HPSE2: variants seen among roughly 807,000 people sequenced by gnomAD.
HPSE2 encodes the protein inactive heparanase-2.
Under a neutral mutation model 60.5 loss-of-function variants are expected in HPSE2, and 38 were observed. The observed-to-expected ratio is 0.63, with a 90% CI of 0.48 to 0.82. HPSE2 has a LOEUF of 0.82. HPSE2 is among the 40% of genes least tolerant of loss of function. The pLI is 0.00. For missense variants in HPSE2, 713 were observed against 740.4 expected (o/e 0.96, Z 0.43); for synonymous variants, 295 against 293.2 (o/e 1.01, Z -0.06).
At chr10:99,100,421 G>C (rs1381662869) in intron 3 of HPSE2, among the ~76,000 whole-genome samples, 1 of 152,152 alleles carries the variant, frequency 6.6e-6, no homozygotes, top group Non-Finnish European at 1.5e-5. Flanking sequence ...ATGAAATGAA[G>C]TGAGAAGAGA....
chr10:99,184,565 G>C (rs1437450553), intron 2 of HPSE2, among the ~76,000 whole-genome samples: 3 of 113,716 alleles, frequency 2.6e-5, no homozygotes, highest in East Asian at 2.5e-4. Flanking sequence ...AAAAAGCTAA[G>C]AGGAAGGCCA....
At chr10:99,187,004 G>A (rs546906344) in intron 2 of HPSE2, among the ~76,000 whole-genome samples, 184 of 151,870 alleles carry the variant, frequency 1.2e-3, no homozygotes, top group Admixed American at 3.9e-3. Flanking sequence ...GGCTGGTCTC[G>A]AACTCCTGGA....
chr10:98,607,571 C>T lies in HPSE2; in HGVS notation c.1320+7333G>A, dbSNP rs74713118. On this transcript the variant is annotated intron_variant, in intron 9 of 11. Coordinates refer to ENST00000370552, the MANE Select transcript of HPSE2 (RefSeq NM_021828.5). ...TGGGAAAGCTTGCCAGCATCTTCTC[C>T]GGAGGGAAATAAAATGTAATTTTTA... Among the ~76,000 whole-genome samples, 423 of 152,240 alleles carry T rather than the reference C, an allele frequency of 2.8e-3. 1 individual carries two copies. The highest frequency in any genetic ancestry group is 9.8e-3 in the African/African-American group (407 of 41,540).
At chr10:99,078,253 T>A (rs1449527023) in intron 3 of HPSE2, among the ~76,000 whole-genome samples, 12 of 152,232 alleles carry the variant, frequency 7.9e-5, no homozygotes, top group Non-Finnish European at 1.8e-4. Context: ...TTATTTTGAA[T>A]TATCTGTCAG....
intron 6 of HPSE2, among the ~76,000 whole-genome samples, chr10:98,660,098 T>C (rs1173709740): frequency 6.6e-6 from 1 of 152,136 alleles, no homozygotes; most frequent in Non-Finnish European, 1.5e-5. Context: ...TATTTGTTTG[T>C]TGTCTGAATG....
chr10:98,480,548 A>G (rs17458353), intron 11 of HPSE2, among the ~76,000 whole-genome samples: 26,128 of 152,184 alleles, frequency 0.17, 2,375 homozygotes, highest in African/African-American at 0.22. Context: ...AGCTCCAAAC[A>G]GCAGGGGAAT....
At chr10:98,985,588 G>A (rs200744562) in intron 3 of HPSE2, among the ~76,000 whole-genome samples, 664 of 152,184 alleles carry the variant, frequency 4.4e-3, no homozygotes, top group East Asian at 0.013. Flanking sequence ...ATCAACTAAC[G>A]AGCAAAATAA....
chr10:98,694,535 C>G (rs746674378), intron 5 of HPSE2, among the ~76,000 whole-genome samples: 1 of 152,160 alleles, frequency 6.6e-6, no homozygotes, highest in Non-Finnish European at 1.5e-5. Context: ...AAATAGAGTA[C>G]TGAGTGTTAT....
intron 2 of HPSE2, among the ~76,000 whole-genome samples, chr10:99,191,568 T>G (rs1398190398): frequency 2.6e-5 from 4 of 152,326 alleles, no homozygotes; most frequent in South Asian, 2.1e-4. Context: ...TGGCTTGGGG[T>G]GCCCCCTCAT....
intron 3 of HPSE2, among the ~76,000 whole-genome samples, chr10:98,881,363 T>C (rs904841395): frequency 2.0e-5 from 3 of 152,002 alleles, no homozygotes; most frequent in African/African-American, 7.2e-5. Flanking sequence ...GGGTTGCACA[T>C]ATGACAGGAA....
chr10:99,199,530 G>T (rs979321727), intron 2 of HPSE2, among the ~76,000 whole-genome samples: 12 of 151,936 alleles, frequency 7.9e-5, no homozygotes, highest in African/African-American at 2.9e-4. Flanking sequence ...CTTGTTGAAG[G>T]GACTGTCATT....
chr10:98,604,530 A>G (rs1230238202), intron 9 of HPSE2, among the ~76,000 whole-genome samples: 3 of 152,180 alleles, frequency 2.0e-5, no homozygotes, highest in Non-Finnish European at 2.9e-5. Context: ...ACAAACTAGA[A>G]GGAGAAGAAA....
chr10:98,803,201 A>C (rs566389407), intron 3 of HPSE2, among the ~76,000 whole-genome samples: 1 of 150,898 alleles, frequency 6.6e-6, no homozygotes, highest in Admixed American at 6.6e-5. Context: ...GTTTGAGTTC[A>C]TTGTAGATTC....
At chr10:99,160,368 A>G (rs969907757) in intron 2 of HPSE2, among the ~76,000 whole-genome samples, 2 of 152,134 alleles carry the variant, frequency 1.3e-5, no homozygotes, top group Non-Finnish European at 2.9e-5. Flanking sequence ...TAAAACCACA[A>G]TGAGATACTA....
chr10:98,826,528 T>C (rs1589893960), intron 3 of HPSE2, among the ~76,000 whole-genome samples: 1 of 152,360 alleles, frequency 6.6e-6, no homozygotes, highest in East Asian at 1.9e-4. Context: ...ACTACTCAAG[T>C]AATAGAATAT....
At chr10:98,671,506 G>A (rs1313233864) in intron 6 of HPSE2, among the ~76,000 whole-genome samples, 1 of 106,972 alleles carries the variant, frequency 9.3e-6, no homozygotes, top group Non-Finnish European at 1.9e-5. Context: ...ACTTCTCTAT[G>A]TCATTCAGCG....
chr10:98,781,704 G>A (rs1950474342), intron 3 of HPSE2, among the ~76,000 whole-genome samples: 1 of 151,592 alleles, frequency 6.6e-6, no homozygotes, highest in African/African-American at 2.4e-5. Context: ...CAATATTAAT[G>A]AGGAAGAGAA....
At chr10:98,913,876 T>C (rs1302608345) in intron 3 of HPSE2, among the ~76,000 whole-genome samples, 1 of 152,202 alleles carries the variant, frequency 6.6e-6, no homozygotes, top group Non-Finnish European at 1.5e-5. Context: ...CAAAATATCC[T>C]ACTAAATGAC....
chr10:99,169,419 T>A (rs1589766018), intron 2 of HPSE2, among the ~76,000 whole-genome samples: 2 of 137,374 alleles, frequency 1.5e-5, no homozygotes, highest in South Asian at 4.6e-4. Flanking sequence ...GCAGGAGAAT[T>A]CCTTGAACCC....
Sources: gnomAD v4.1 joint callset for allele counts (sites outside exome capture counted in the v4.1 genomes callset) on GRCh38, gnomAD v4.1.1 for gene constraint, MANE v1.5 for transcripts, NCBI Gene and HGNC (gene_info 2026-07-23, HGNC 2026-07-21) for gene names.